SCML4: variants seen among roughly 807,000 people sequenced by gnomAD.
SCML4 encodes the protein Scm polycomb group protein like 4.
SCML4 carries 34 observed loss-of-function variants against 41.1 expected under a neutral mutation model. That is an observed-to-expected ratio of 0.83 (90% CI 0.63 to 1.10). The LOEUF (loss-of-function observed/expected upper bound fraction) is 1.10. SCML4 is among the 50% of genes least tolerant of loss of function. The pLI, the probability that SCML4 is intolerant of heterozygous loss-of-function variation, is 0.00. For missense variants in SCML4, 522 were observed against 534.1 expected, an observed-to-expected ratio of 0.98 and a Z score of 0.22; for synonymous variants, 214 against 220.9, an observed-to-expected ratio of 0.97 and a Z score of 0.28.
chr6:107,772,266 A>T lies in SCML4; in HGVS notation c.62T>A (p.Met21Lys). The change falls in exon 2 of 8, where the codon ATG (methionine) becomes AAG (lysine). Residue 21 changes from methionine (M) to lysine (K), a missense_variant. Physicochemically the swap from Met to Lys is moderately conservative, Grantham distance 95 (BLOSUM62 -1). Transcript: ENST00000369020. ...RGRPSLHSTP[M>K]KMAVHNLYSA... ...ATAAAGGTTATGAACTGCCATCTTC[A>T]TAGGCGTGGAGTGAAGTGAGGGTCG... 1 of 1,551,802 alleles carries T rather than the reference A, an allele frequency of 6.4e-7. No homozygotes were observed. Among genetic ancestry groups the T allele is most frequent in the Non-Finnish European group, 8.7e-7 (1 of 1,147,022 alleles).
chr6:107,824,726 C>T (rs1040870394), upstream of SCML4, among the ~76,000 whole-genome samples: 4 of 152,132 alleles, frequency 2.6e-5, no homozygotes, highest in African/African-American at 7.2e-5. Context: ...ACTGTAACAT[C>T]GTCTCTTTGT....
At chr6:107,770,367 C>G (rs892029147) in intron 2 of SCML4, among the ~76,000 whole-genome samples, 1 of 152,064 alleles carries the variant, frequency 6.6e-6, no homozygotes, top group African/African-American at 2.4e-5. Context: ...TCTTGTTTTT[C>G]TTATGTCACC....
intron 1 of SCML4, among the ~76,000 whole-genome samples, chr6:107,813,863 G>A (rs1344733386): frequency 6.6e-6 from 1 of 152,180 alleles, no homozygotes; most frequent in Non-Finnish European, 1.5e-5. Context: ...ATCCAGGATG[G>A]GTTCTTCACC....
At chr6:107,741,911 C>T (rs545254279) in intron 5 of SCML4, among the ~76,000 whole-genome samples, 11 of 152,220 alleles carry the variant, frequency 7.2e-5, no homozygotes, top group South Asian at 4.2e-4. Context: ...GACAGGAAAC[C>T]GTGATCTCCC....
chr6:107,805,175 G>T (rs1222421678), intron 1 of SCML4, among the ~76,000 whole-genome samples: 1 of 152,160 alleles, frequency 6.6e-6, no homozygotes, highest in Non-Finnish European at 1.5e-5. Context: ...TGTGGAGCAG[G>T]CATGGGGTGG....
intron 6 of SCML4, among the ~76,000 whole-genome samples, chr6:107,708,477 G>T (rs908305178): frequency 6.6e-6 from 1 of 152,150 alleles, no homozygotes; most frequent in African/African-American, 2.4e-5. Flanking sequence ...TGCCTCCATG[G>T]CCTTCACATT....
Position 107,702,779 on chromosome 6 carries a change from A to G in SCML4, c.*2421T>C, listed in dbSNP as rs1773287201. Among the ~76,000 whole-genome samples, 1 of 152,192 alleles carries G rather than the reference A, an allele frequency of 6.6e-6. No individual in the cohort carries two copies. Among genetic ancestry groups the G allele is most frequent in the Non-Finnish European group, 1.5e-5 (1 of 68,030 alleles). The stretch of plus-strand genomic sequence containing the variant: ...TCAAGGTACTTTTCTCAGGTGCTGA[A>G]CCTGTCAGAGGCATTTGAACCAGAG... On this transcript the variant is annotated 3_prime_UTR_variant, in exon 8 of 8. Coordinates refer to ENST00000369020, the MANE Select transcript of SCML4 (RefSeq NM_198081.5).
intron 2 of SCML4, among the ~76,000 whole-genome samples, chr6:107,769,658 AT>A (rs970279874): frequency 6.6e-6 from 1 of 152,188 alleles, no homozygotes; most frequent in African/African-American, 2.4e-5. Flanking sequence ...CATTATAATA[AT>A]GTTATTATTG....
chr6:107,732,812 T>C (rs1776697778), intron 5 of SCML4, among the ~76,000 whole-genome samples: 1 of 152,168 alleles, frequency 6.6e-6, no homozygotes, highest in South Asian at 2.1e-4. Flanking sequence ...GCCCCCACAA[T>C]TTTTTGGTCT....
At chr6:107,747,818 A>C (rs1232920273) in intron 3 of SCML4, among the ~76,000 whole-genome samples, 1 of 152,196 alleles carries the variant, frequency 6.6e-6, no homozygotes, top group Non-Finnish European at 1.5e-5. Flanking sequence ...AAATTAGCTC[A>C]GTTAGTTGGG....
chr6:107,812,428 T>A (rs975787209), intron 1 of SCML4, among the ~76,000 whole-genome samples: 7 of 152,186 alleles, frequency 4.6e-5, no homozygotes, highest in African/African-American at 1.7e-4. Context: ...GTCCGATACC[T>A]CCTCTGATGT....
At chr6:107,777,196 CA>C (rs1562247099) in intron 1 of SCML4, among the ~76,000 whole-genome samples, 2 of 152,334 alleles carry the variant, frequency 1.3e-5, no homozygotes, top group South Asian at 4.1e-4. Flanking sequence ...CGGCTCGCTG[CA>C]ACCTCCGCTT....
At chr6:107,813,061 T>C (rs1784276973) in intron 1 of SCML4, among the ~76,000 whole-genome samples, 5 of 152,036 alleles carry the variant, frequency 3.3e-5, no homozygotes, top group Admixed American at 3.3e-4. Flanking sequence ...ATCATGTTTA[T>C]TGTTAAAAAT....
chr6:107,829,778 A>T, the SCML4 span, among the ~76,000 whole-genome samples: 116 of 151,580 alleles, frequency 7.7e-4, 1 homozygote, highest in Admixed American at 1.6e-3. Flanking sequence ...ATAAATAAAT[A>T]AATATTGGTT....
chr6:107,716,948 A>G (rs563603563), intron 6 of SCML4, among the ~76,000 whole-genome samples: 1 of 151,984 alleles, frequency 6.6e-6, no homozygotes, highest in Non-Finnish European at 1.5e-5. Context: ...TGCATGGCTG[A>G]CTGGCTGTTT....
At chr6:107,784,285 C>T (rs1781718476) in intron 1 of SCML4, among the ~76,000 whole-genome samples, 1 of 152,132 alleles carries the variant, frequency 6.6e-6, no homozygotes, top group African/African-American at 2.4e-5. Context: ...GCAGGCAAAA[C>T]CCGTAAGTCA....
At chr6:107,756,179 G>A (rs971634050) in intron 2 of SCML4, among the ~76,000 whole-genome samples, 1 of 152,084 alleles carries the variant, frequency 6.6e-6, no homozygotes, top group Non-Finnish European at 1.5e-5. Context: ...TGCACAGTGA[G>A]TACTTCCAAA....
At chr6:107,788,486 G>C (rs1782072493) in intron 1 of SCML4, among the ~76,000 whole-genome samples, 1 of 152,178 alleles carries the variant, frequency 6.6e-6, no homozygotes, top group African/African-American at 2.4e-5. Context: ...CAACCATCTT[G>C]TTTGCAGTGT....
chr6:107,709,539 T>C (rs1774032344), intron 6 of SCML4, among the ~76,000 whole-genome samples: 1 of 152,208 alleles, frequency 6.6e-6, no homozygotes, highest in South Asian at 2.1e-4. Context: ...ACCGACCGAA[T>C]GTCTCCCCAG....
Sources: gnomAD v4.1 joint callset for allele counts (sites outside exome capture counted in the v4.1 genomes callset) on GRCh38, gnomAD v4.1.1 for gene constraint, MANE v1.5 for transcripts, NCBI Gene and HGNC (gene_info 2026-07-23, HGNC 2026-07-21) for gene names.